DOK6: variants seen among roughly 807,000 people sequenced by gnomAD.
DOK6 encodes downstream of tyrosine kinase 6.
DOK6 carries 22 observed loss-of-function variants against 44.0 expected under a neutral mutation model. That is an observed-to-expected ratio of 0.50 (90% CI 0.36 to 0.71). The LOEUF is 0.71. Ranked by LOEUF, DOK6 falls within the 30% of genes least tolerant of loss-of-function variation. DOK6 has a pLI of 0.00. For synonymous variants in DOK6, 166 were observed against 145.5 expected, an observed-to-expected ratio of 1.14 and a Z score of -1.01; for missense variants, 340 against 416.4, an observed-to-expected ratio of 0.82 and a Z score of 1.60.
chr18:69,418,210 A>C (rs911920076), intron 1 of DOK6, among the ~76,000 whole-genome samples: 10 of 151,596 alleles, frequency 6.6e-5, no homozygotes, highest in African/African-American at 2.4e-4. Flanking sequence ...TTATTAATCT[A>C]TTTTGATTTG....
At chr18:69,613,868 A>G (rs1350426056) in intron 3 of DOK6, among the ~76,000 whole-genome samples, 1 of 151,570 alleles carries the variant, frequency 6.6e-6, no homozygotes, top group Non-Finnish European at 1.5e-5. Context: ...GTATCAATTG[A>G]ATAAATTCTT....
intron 7 of DOK6, among the ~76,000 whole-genome samples, chr18:69,772,770 A>T (rs1979926602): frequency 6.6e-6 from 1 of 152,070 alleles, no homozygotes; most frequent in African/African-American, 2.4e-5. Context: ...AGCTTCAGGC[A>T]GTGGTTCTGG....
chr18:69,577,921 A>C (rs570126822), intron 2 of DOK6, among the ~76,000 whole-genome samples: 1 of 152,260 alleles, frequency 6.6e-6, no homozygotes, highest in East Asian at 1.9e-4. Flanking sequence ...ATGCCGTGGA[A>C]AGCAGATCAC....
At chr18:69,735,439 T>G (rs866267167) in intron 5 of DOK6, among the ~76,000 whole-genome samples, 1 of 152,054 alleles carries the variant, frequency 6.6e-6, no homozygotes, top group Non-Finnish European at 1.5e-5. Flanking sequence ...AAGATTAAAA[T>G]CAGCAAAGGG....
intron 3 of DOK6, among the ~76,000 whole-genome samples, chr18:69,606,821 T>C (rs1210906488): frequency 6.9e-6 from 1 of 144,422 alleles, no homozygotes; most frequent in Non-Finnish European, 1.5e-5. Context: ...TGGAGTGCAG[T>C]GGCGCAATCT....
At chr18:69,532,108 G>A (rs930212116) in intron 1 of DOK6, among the ~76,000 whole-genome samples, 24 of 152,162 alleles carry the variant, frequency 1.6e-4, no homozygotes, top group African/African-American at 5.8e-4. Context: ...AATCTGCTCC[G>A]ACTTTGACCT....
At chr18:69,528,765 C>T (rs903954389) in intron 1 of DOK6, among the ~76,000 whole-genome samples, 1 of 152,182 alleles carries the variant, frequency 6.6e-6, no homozygotes, top group African/African-American at 2.4e-5. Context: ...TGTAATATTA[C>T]TCAACATCTA....
At chr18:69,753,035 G>C (rs536000599) in intron 6 of DOK6, among the ~76,000 whole-genome samples, 1 of 152,270 alleles carries the variant, frequency 6.6e-6, no homozygotes, top group Admixed American at 6.5e-5. Flanking sequence ...TACTTGAAAA[G>C]ATAGTAACAA....
At chr18:69,435,899 A>T (rs1161244868) in intron 1 of DOK6, among the ~76,000 whole-genome samples, 1 of 152,016 alleles carries the variant, frequency 6.6e-6, no homozygotes, top group Admixed American at 6.6e-5. Context: ...ATGTATAAAG[A>T]TACTATTTAA....
intron 7 of DOK6, among the ~76,000 whole-genome samples, chr18:69,795,952 G>A (rs894567933): frequency 3.3e-5 from 5 of 151,454 alleles, no homozygotes; most frequent in African/African-American, 9.7e-5. Flanking sequence ...ACTGTGATCC[G>A]AGCTCATCCT....
intron 6 of DOK6, among the ~76,000 whole-genome samples, chr18:69,752,481 T>C (rs1427723150): frequency 1.3e-5 from 2 of 152,240 alleles, no homozygotes; most frequent in African/African-American, 4.8e-5. Flanking sequence ...CAGAAATAAG[T>C]TAATGCCTTT....
At chr18:69,784,462 C>T (rs965599894) in intron 7 of DOK6, among the ~76,000 whole-genome samples, 1 of 150,992 alleles carries the variant, frequency 6.6e-6, no homozygotes, top group East Asian at 1.9e-4. Flanking sequence ...AAAGAGCACA[C>T]TTTATTTTAT....
chr18:69,787,215 C>CA (rs1443460333), intron 7 of DOK6, among the ~76,000 whole-genome samples: 13 of 151,890 alleles, frequency 8.6e-5, no homozygotes, highest in Non-Finnish European at 1.6e-4. Context: ...GACTTGGTCT[C>CA]AAAAAACAAG....
At chr18:69,620,523 A>T (rs12955567) in intron 3 of DOK6, among the ~76,000 whole-genome samples, 106,512 of 151,960 alleles carry the variant, frequency 0.7, 40,362 homozygotes, top group Non-Finnish European at 0.85. Flanking sequence ...GGACGGATCA[A>T]GGGTAAGAGC....
intron 1 of DOK6, among the ~76,000 whole-genome samples, chr18:69,407,017 G>T (rs2122383645): frequency 6.6e-6 from 1 of 152,230 alleles, no homozygotes; most frequent in South Asian, 2.1e-4. Context: ...AGAGGTGGAG[G>T]TTGCAGTGCA....
chr18:69,599,456 A>C lies in DOK6; in HGVS notation c.247A>C (p.Ile83Leu). 6.2e-7 allele frequency: 1 copy of C among 1,614,072 alleles called. No individual in the cohort carries two copies. Among genetic ancestry groups the C allele is most frequent in the South Asian group, 1.1e-5 (1 of 91,066 alleles). Residue 83 changes from isoleucine to leucine, a missense_variant, in exon 3 of 8, where the codon ATC becomes CTC. Around this residue, in one of 3 missense-constraint regions of DOK6, gnomAD observed 206 missense variants for 258.6 expected, o/e 0.80. Transcript: ENST00000382713. Reference sequence around the variant, plus strand: ...GACAAAGAAGCATGCGGTGGCAATCATCTTTCACGATGAAACATCGAAGAC... The same window carrying C: ...GACAAAGAAGCATGCGGTGGCAATCCTCTTTCACGATGAAACATCGAAGAC... Reference protein sequence around the residue: ...RETKKHAVAIIFHDETSKTFA... With the variant: ...RETKKHAVAILFHDETSKTFA...
chr18:69,812,769 A>C (rs1981279936), intron 7 of DOK6, among the ~76,000 whole-genome samples: 1 of 152,122 alleles, frequency 6.6e-6, no homozygotes, highest in African/African-American at 2.4e-5. Context: ...TTATGGTGGA[A>C]GGTGAAGGGG....
intron 4 of DOK6, 110 bp downstream of exon 4, chr18:69,677,963 A>G: frequency 7.0e-7 from 1 of 1,435,296 alleles, no homozygotes; most frequent in African/African-American, 1.4e-5. Context: ...TTTTAAATCA[A>G]AAAGGCCGAG....
intron 1 of DOK6, among the ~76,000 whole-genome samples, chr18:69,547,795 T>C (rs1982445730): frequency 6.6e-6 from 1 of 151,060 alleles, no homozygotes; most frequent in African/African-American, 2.4e-5. Flanking sequence ...GAAGTGAGAA[T>C]GTGCAATATT....
Sources: gnomAD v4.1 joint callset for allele counts (sites outside exome capture counted in the v4.1 genomes callset) on GRCh38, gnomAD v4.1.1 for gene constraint, gnomAD v4.1.1 regional missense constraint, MANE v1.5 for transcripts, NCBI Gene and HGNC (gene_info 2026-07-23, HGNC 2026-07-21) for gene names.